Variants in MAN2A1 observed in about 807,000 individuals in gnomAD.
MAN2A1 encodes the protein mannosidase alpha class 2A member 1.
A neutral mutation model predicts 142.6 loss-of-function variants in MAN2A1; 76 were observed. That is an observed-to-expected ratio of 0.53 (90% CI 0.44 to 0.65). MAN2A1 has a LOEUF of 0.65. MAN2A1 is among the 30% of genes least tolerant of loss of function. The pLI, the probability that MAN2A1 is intolerant of heterozygous loss-of-function variation, is 0.00. For synonymous variants in MAN2A1, 559 were observed against 473.2 expected, an observed-to-expected ratio of 1.18 and a Z score of -2.35; for missense variants, 1,311 against 1,365.1, an observed-to-expected ratio of 0.96 and a Z score of 0.62.
intron 16 of MAN2A1, among the ~76,000 whole-genome samples, chr5:109,832,952 G>GAT (rs1754959391): frequency 6.6e-6 from 1 of 150,804 alleles, no homozygotes; most frequent in Non-Finnish European, 1.5e-5. Flanking sequence ...CCTCCCAGAC[G>GAT]GGGTGGCGGT....
intron 3 of MAN2A1, among the ~76,000 whole-genome samples, chr5:109,721,842 C>G (rs1267985998): frequency 6.6e-6 from 1 of 152,230 alleles, no homozygotes; most frequent in Non-Finnish European, 1.5e-5. Flanking sequence ...CTTCAAAACT[C>G]TCCAGTGCCC....
chr5:109,739,467 G>T (rs918419300), intron 4 of MAN2A1, among the ~76,000 whole-genome samples: 1 of 152,060 alleles, frequency 6.6e-6, no homozygotes, highest in Non-Finnish European at 1.5e-5. Flanking sequence ...TGTATTTACT[G>T]TGTTTTGGGA....
At position 109,869,041 on chromosome 5, in the gene MAN2A1, A is replaced by G. The variant is rs1263306407; in HGVS notation, c.*2043A>G. On this transcript the variant is annotated 3_prime_UTR_variant, in exon 22 of 22. Coordinates refer to ENST00000261483, the MANE Select transcript of MAN2A1 (RefSeq NM_002372.4). ...GGGGTTTTATTCAGCTTGTGTTGCT[A>G]CCAGCAGTTCACAGGTAAAGCAGAA... 6.6e-6 allele frequency: 1 copy of G among 152,216 alleles called. No homozygotes were observed. Among genetic ancestry groups the G allele is most frequent in the Non-Finnish European group, 1.5e-5 (1 of 68,034 alleles). 9.4% of individuals were successfully genotyped at this position (152,216 alleles called of 1,614,324 possible). A position where few individuals can be genotyped will look rare whatever the true frequency, so the allele number is the denominator to read the frequency against.
At chr5:109,715,234 A>G (rs1207833664) in intron 2 of MAN2A1, among the ~76,000 whole-genome samples, 3 of 147,606 alleles carry the variant, frequency 2.0e-5, no homozygotes. Flanking sequence ...CCATAGGGAG[A>G]TAAATATTAT....
chr5:109,728,698 C>T (rs370445685), intron 3 of MAN2A1, among the ~76,000 whole-genome samples: 197 of 152,270 alleles, frequency 1.3e-3, no homozygotes, highest in African/African-American at 4.5e-3. Context: ...TACCTATATG[C>T]ATTCGCATTT....
intron 3 of MAN2A1, among the ~76,000 whole-genome samples, chr5:109,726,647 CTT>C (rs1447223933): frequency 2.0e-5 from 3 of 152,210 alleles, no homozygotes; most frequent in South Asian, 2.1e-4. Context: ...ATGATAAACT[CTT>C]TTTTGAAATG....
chr5:109,774,964 A>G lies in MAN2A1; in HGVS notation c.1373A>G (p.Lys458Arg). ...YMNSQSKFKV[K>R]IQFGTLSDFF... ...AATTCTCAGTCCAAGTTTAAAGTTA[A>G]GGTAAGGAGAAAATATTTATGATTC... is the stretch of plus-strand genomic sequence containing the variant. The change falls in exon 8 of 22, where the codon AAG becomes AGG. Residue 458 changes from lysine (K) to arginine (R), a missense_variant and splice_region_variant. Physicochemically the swap from Lys to Arg is conservative, Grantham distance 26. Coordinates refer to ENST00000261483, the MANE Select transcript of MAN2A1 (RefSeq NM_002372.4). 1 of 1,578,132 alleles carries G rather than the reference A, an allele frequency of 6.3e-7. No homozygotes were observed. The highest frequency in any genetic ancestry group is 8.6e-7 in the Non-Finnish European group (1 of 1,156,574).
At chr5:109,846,116 T>C in intron 18 of MAN2A1, 110 bp downstream of exon 18, 1 of 933,170 alleles carries the variant, frequency 1.1e-6, no homozygotes, top group Non-Finnish European at 1.5e-6. Flanking sequence ...CCCTGTCTTC[T>C]TTTCAGCTTT....
chr5:109,829,391 T>C (rs1185116933), intron 16 of MAN2A1, among the ~76,000 whole-genome samples: 1 of 152,130 alleles, frequency 6.6e-6, no homozygotes, highest in Admixed American at 6.5e-5. Flanking sequence ...TCCTGGGTGT[T>C]TTTCTGCTAA....
At position 109,842,510 on chromosome 5, in the gene MAN2A1, T is replaced by C. The variant is rs1350867009; in HGVS notation, c.2700+49T>C. 5 of 1,245,150 alleles carry C rather than the reference T, an allele frequency of 4.0e-6. No homozygotes were observed. In the African/African-American group the frequency reaches 7.7e-5, roughly 19 times the overall value. The allele number at this position is 1,245,150 out of a possible 1,614,324, so 77.1% of individuals were successfully genotyped here. A position where few individuals can be genotyped will look rare whatever the true frequency, so the allele number is the denominator to read the frequency against. On this transcript the variant is annotated intron_variant, in intron 17 of 21. Coordinates refer to ENST00000261483, the MANE Select transcript of MAN2A1 (RefSeq NM_002372.4). ...AAGTAATGGTTGTATTGGTGTGTAA[T>C]TCTTATATATAACAATGGCCCAGTT...
At chr5:109,790,473 GT>G (rs1753710365) in intron 12 of MAN2A1, among the ~76,000 whole-genome samples, 1 of 151,836 alleles carries the variant, frequency 6.6e-6, no homozygotes, top group African/African-American at 2.4e-5. Context: ...GAGATAATAA[GT>G]TTTTTTATTT....
chr5:109,846,057 GTA>G (rs762178924), intron 18 of MAN2A1, 51 bp downstream of exon 18: 80 of 1,501,346 alleles, frequency 5.3e-5, no homozygotes, highest in Non-Finnish European at 6.6e-5. Flanking sequence ...AATTCCAACT[GTA>G]TACTTTTTCT....
Position 109,794,789 on chromosome 5 carries a change from C to T in MAN2A1, c.1943+5262C>T, listed in dbSNP as rs1753819487. Reference sequence around the variant, plus strand: ...TTTGAAGGATGAGTTTATAAACTGTCCTCTAGGATGCTTTTCTGTTTAAAT... The same window carrying T: ...TTTGAAGGATGAGTTTATAAACTGTTCTCTAGGATGCTTTTCTGTTTAAAT... On this transcript the variant is annotated intron_variant, in intron 12 of 21. Coordinates refer to ENST00000261483, the MANE Select transcript of MAN2A1 (RefSeq NM_002372.4). 4.6e-5 allele frequency among the ~76,000 whole-genome samples: 7 copies of T among 151,844 alleles called. No homozygotes were observed. In the South Asian group the frequency reaches 1.5e-3, roughly 32 times the overall value.
At chr5:109,714,330 A>C (rs1243820847) in intron 2 of MAN2A1, among the ~76,000 whole-genome samples, 1 of 152,196 alleles carries the variant, frequency 6.6e-6, no homozygotes, top group African/African-American at 2.4e-5. Flanking sequence ...TGTAATGTAC[A>C]CACACAGTGT....
At chr5:109,849,946 G>A (rs1351995646) in intron 19 of MAN2A1, among the ~76,000 whole-genome samples, 3 of 151,864 alleles carry the variant, frequency 2.0e-5, no homozygotes, top group African/African-American at 7.3e-5. Flanking sequence ...CCTCCCCACC[G>A]CACTTTTGCA....
At chr5:109,749,716 CT>C (rs201670995) in intron 4 of MAN2A1, among the ~76,000 whole-genome samples, 2 of 151,632 alleles carry the variant, frequency 1.3e-5, no homozygotes, top group East Asian at 1.9e-4. Flanking sequence ...GTGGGCACAT[CT>C]TTTTTTTAAA....
chr5:109,693,111 A>T (rs1174617405), intron 1 of MAN2A1, among the ~76,000 whole-genome samples: 2 of 152,074 alleles, frequency 1.3e-5, no homozygotes, highest in African/African-American at 2.4e-5. Context: ...TTAGCTTATG[A>T]CTAAAGGAAC....
chr5:109,856,022 A>G (rs1039021091), intron 20 of MAN2A1, among the ~76,000 whole-genome samples: 2 of 152,188 alleles, frequency 1.3e-5, no homozygotes, highest in Non-Finnish European at 2.9e-5. Flanking sequence ...CCTAAGTATG[A>G]AAAGAAGAGG....
intron 4 of MAN2A1, among the ~76,000 whole-genome samples, chr5:109,733,375 C>A (rs1237890003): frequency 6.6e-6 from 1 of 152,086 alleles, no homozygotes; most frequent in African/African-American, 2.4e-5. Flanking sequence ...GCCTAATTTC[C>A]CTGGCCAGAA....
Sources: gnomAD v4.1 joint callset for allele counts (sites outside exome capture counted in the v4.1 genomes callset) on GRCh38, gnomAD v4.1.1 for gene constraint, MANE v1.5 for transcripts, NCBI Gene and HGNC (gene_info 2026-07-23, HGNC 2026-07-21) for gene names.